The following GSAP variants were observed in gnomAD, a reference collection of about 807,000 sequenced individuals.
The protein encoded by GSAP is gamma-secretase-activating protein.
Under a neutral mutation model 131.7 loss-of-function variants are expected in GSAP, and 118 were observed. The observed-to-expected ratio is 0.90, with a 90% CI of 0.77 to 1.04. GSAP has a LOEUF of 1.04. Among genes scored for constraint, GSAP ranks in the 50% least tolerant of loss-of-function variants. The pLI is 0.00. For missense variants in GSAP, 1,019 were observed against 1,013.2 expected, an observed-to-expected ratio of 1.01 and a Z score of -0.08; for synonymous variants, 381 against 363.4, an observed-to-expected ratio of 1.05 and a Z score of -0.55.
At chr7:77,387,586 T>C in intron 5 of GSAP, 138 bp from the exon 6 acceptor site, 1 of 613,914 alleles carries the variant, frequency 1.6e-6, no homozygotes, top group Non-Finnish European at 2.9e-6. Context: ...ACCACCATCC[T>C]AGAGTCCTGT....
intron 12 of GSAP, among the ~76,000 whole-genome samples, chr7:77,366,828 T>G (rs1053929336): frequency 6.6e-6 from 1 of 152,208 alleles, no homozygotes; most frequent in Admixed American, 6.5e-5. Flanking sequence ...GTATGGTCAT[T>G]TTAATGATAT....
At chr7:77,415,412 G>A (rs756693625) in intron 1 of GSAP, 6 of 152,262 alleles carry the variant, frequency 3.9e-5, no homozygotes, top group African/African-American at 1.2e-4. Context: ...AATATTTATA[G>A]AAGACTTTTA....
At chr7:77,365,912 T>G (rs1025541039) in intron 12 of GSAP, among the ~76,000 whole-genome samples, 22 of 150,836 alleles carry the variant, frequency 1.5e-4, no homozygotes, top group African/African-American at 3.6e-4. Flanking sequence ...TTTTTTTTTT[T>G]TTTTTTTTTT....
At chr7:77,337,990 GAAAC>G (rs372849148) in intron 19 of GSAP, among the ~76,000 whole-genome samples, 42 of 151,908 alleles carry the variant, frequency 2.8e-4, no homozygotes, top group East Asian at 9.7e-4. Flanking sequence ...GTCTCTACAG[GAAAC>G]AAACAAACAA....
intron 1 of GSAP, among the ~76,000 whole-genome samples, chr7:77,409,918 A>G (rs1031350456): frequency 1.3e-5 from 2 of 152,156 alleles, no homozygotes; most frequent in Non-Finnish European, 1.5e-5. Flanking sequence ...GGCTGTCTTA[A>G]AATCATTAAG....
At chr7:77,337,421 C>T (rs548307329) in intron 19 of GSAP, among the ~76,000 whole-genome samples, 79 of 152,160 alleles carry the variant, frequency 5.2e-4, no homozygotes, top group Non-Finnish European at 8.5e-4. Flanking sequence ...GTGATCCACC[C>T]GCCTCGGCCT....
chr7:77,314,675 TCTATA>T (rs1328244170), intron 26 of GSAP, 186 bp from the exon 27 acceptor site: 1 of 565,184 alleles, frequency 1.8e-6, no homozygotes, highest in African/African-American at 1.9e-5. Flanking sequence ...TCACGCTGGG[TCTATA>T]GTAAGTTTCC....
chr7:77,406,937 G>GTCTCTGCTAGAGGCACCTGAGAAAGT (rs1382771311), intron 1 of GSAP, among the ~76,000 whole-genome samples: 1 of 152,190 alleles, frequency 6.6e-6, no homozygotes, highest in African/African-American at 2.4e-5. Flanking sequence ...CCTGAGAAAG[G>GTCTCTGCTAGAGGCACCTGAGAAAGT]TCTCTGCTAA....
intron 19 of GSAP, among the ~76,000 whole-genome samples, chr7:77,331,436 C>T (rs539961371): frequency 6.6e-6 from 1 of 152,268 alleles, no homozygotes; most frequent in South Asian, 2.1e-4. Context: ...TGACTGGGGC[C>T]AGAGATGTAA....
chr7:77,375,167 A>G, intron 10 of GSAP, 66 bp from the exon 11 acceptor site: 1 of 864,432 alleles, frequency 1.2e-6, no homozygotes, highest in Non-Finnish European at 1.9e-6. Context: ...TGAAAACCAG[A>G]GCAAGCCCAA....
chr7:77,400,993 G>A (rs1301012456), intron 3 of GSAP, among the ~76,000 whole-genome samples: 1 of 149,286 alleles, frequency 6.7e-6, no homozygotes, highest in Non-Finnish European at 1.5e-5. Flanking sequence ...ACATAGTGGA[G>A]AGGACAGAAC....
intron 8 of GSAP, chr7:77,379,973 A>G (rs1797551360): frequency 1.2e-6 from 1 of 813,584 alleles, no homozygotes; most frequent in Non-Finnish European, 1.5e-6. Flanking sequence ...AGAAATGTTA[A>G]AATCTTCAGA....
chr7:77,326,970 C>A (rs1788404085), intron 22 of GSAP: 1 of 152,190 alleles, frequency 6.6e-6, no homozygotes, highest in Non-Finnish European at 1.5e-5. Context: ...GGCAAGAGGG[C>A]AGAACCACCC....
chr7:77,385,096 C>T (rs1284512093), intron 6 of GSAP, among the ~76,000 whole-genome samples: 8 of 150,774 alleles, frequency 5.3e-5, no homozygotes, highest in Admixed American at 5.3e-4. Context: ...TGCAATGGCA[C>T]GATCTTGGCT....
chr7:77,387,627 G>T (rs1182936682), intron 5 of GSAP, among the ~76,000 whole-genome samples, 179 bp from the exon 6 acceptor site: 2 of 152,084 alleles, frequency 1.3e-5, no homozygotes, highest in Admixed American at 6.5e-5. Flanking sequence ...TCTGTTCCCA[G>T]TTCTACTCTC....
At chr7:77,388,909 C>T (rs945671634) in intron 5 of GSAP, among the ~76,000 whole-genome samples, 2 of 152,074 alleles carry the variant, frequency 1.3e-5, no homozygotes, top group Non-Finnish European at 2.9e-5. Context: ...ATACATACTA[C>T]AGAACAAATG....
At chr7:77,323,001 G>A (rs897443520) in intron 24 of GSAP, among the ~76,000 whole-genome samples, 1 of 152,084 alleles carries the variant, frequency 6.6e-6, no homozygotes. Flanking sequence ...TTCTCTTTCT[G>A]TGCAAACATT....
Position 77,310,991 on chromosome 7 carries a change from G to A in GSAP, c.*367C>T, listed in dbSNP as rs746996853. 3.6e-5 allele frequency: 6 copies of A among 166,868 alleles called. No individual in the cohort carries two copies. The highest frequency in any genetic ancestry group is 7.8e-5 in the Non-Finnish European group (6 of 77,304). 10.3% of individuals were successfully genotyped at this position (166,868 alleles called of 1,614,324 possible). Reference sequence around the variant, plus strand: ...TAATTTTTATGCCTATTATTTCAATGACACACCTAGTTTTTGCTTTTCTAA... The same window carrying A: ...TAATTTTTATGCCTATTATTTCAATAACACACCTAGTTTTTGCTTTTCTAA... On this transcript the variant is annotated 3_prime_UTR_variant, in exon 31 of 31. Coordinates refer to ENST00000257626, the MANE Select transcript of GSAP (RefSeq NM_017439.4).
chr7:77,399,705 G>C (rs552752673), intron 3 of GSAP, among the ~76,000 whole-genome samples: 2 of 106,694 alleles, frequency 1.9e-5, no homozygotes, highest in South Asian at 5.0e-4. Flanking sequence ...ACTTGAGGTG[G>C]GGGGGGGCGG....
Sources: gnomAD v4.1 joint callset for allele counts (sites outside exome capture counted in the v4.1 genomes callset) on GRCh38, gnomAD v4.1.1 for gene constraint, MANE v1.5 for transcripts, NCBI Gene and HGNC (gene_info 2026-07-23, HGNC 2026-07-21) for gene names.